The following CFH variants were observed in gnomAD, a reference collection of about 807,000 sequenced individuals.
CFH encodes the protein complement factor H.
In CFH, 53 loss-of-function variants were observed where a neutral mutation model predicts 147.3. The ratio of observed to expected loss-of-function variants is 0.36; its 90% CI spans 0.29 to 0.45. The LOEUF (loss-of-function observed/expected upper bound fraction) is 0.45. Among genes scored for constraint, CFH ranks in the 20% least tolerant of loss-of-function variants. The pLI is 1.00. For missense variants in CFH, 1,380 were observed against 1,498.0 expected (o/e 0.92, Z 1.30); for synonymous variants, 536 against 489.4 (o/e 1.10, Z -1.26).
intron 5 of CFH, 114 bp downstream of exon 5, chr1:196,677,781 A>G (rs1465376544): frequency 4.0e-6 from 4 of 993,466 alleles, no homozygotes; most frequent in African/African-American, 1.6e-5. Flanking sequence ...ATGTTTATTG[A>G]GCACTTACTA....
intron 17 of CFH, among the ~76,000 whole-genome samples, chr1:196,739,393 C>G (rs1252110703): frequency 6.6e-6 from 1 of 152,142 alleles, no homozygotes; most frequent in African/African-American, 2.4e-5. Context: ...TCCTCTTGAG[C>G]TCTTTGCCAC....
At chr1:196,736,577 C>T (rs1316058449) in intron 15 of CFH, among the ~76,000 whole-genome samples, 1 of 151,602 alleles carries the variant, frequency 6.6e-6, no homozygotes, top group Non-Finnish European at 1.5e-5. Flanking sequence ...GAAAAAACTA[C>T]AAGAAAGTCT....
At chr1:196,729,260 T>A (rs571324841) in intron 15 of CFH, among the ~76,000 whole-genome samples, 1 of 152,034 alleles carries the variant, frequency 6.6e-6, no homozygotes, top group South Asian at 2.1e-4. Context: ...AAGAAGCAAA[T>A]AATATATATA....
chr1:196,694,880 G>C (rs1239242609), intron 9 of CFH, among the ~76,000 whole-genome samples: 1 of 152,168 alleles, frequency 6.6e-6, no homozygotes, highest in Non-Finnish European at 1.5e-5. Flanking sequence ...ATTTGTTTAA[G>C]TTCCTTGTAG....
chr1:196,657,588 A>G (rs1171651058), intron 1 of CFH, among the ~76,000 whole-genome samples: 1 of 152,230 alleles, frequency 6.6e-6, no homozygotes, highest in Admixed American at 6.5e-5. Flanking sequence ...TGTGTATACC[A>G]AAGCCAAAGG....
chr1:196,703,022 A>G (rs1668499851), intron 9 of CFH, among the ~76,000 whole-genome samples: 1 of 152,252 alleles, frequency 6.6e-6, no homozygotes, highest in African/African-American at 2.4e-5. Context: ...AGATATTCAG[A>G]GAAAGTTACA....
intron 15 of CFH, among the ~76,000 whole-genome samples, chr1:196,732,844 C>T (rs1036232091): frequency 1.3e-5 from 2 of 151,978 alleles, no homozygotes; most frequent in African/African-American, 4.8e-5. Flanking sequence ...AGTGAATGTG[C>T]GTGTTTATCT....
Position 196,672,944 on chromosome 1 carries a change from C to T in CFH, c.59-34C>T, listed in dbSNP as rs1029289866. 7 of 1,565,526 alleles carry T rather than the reference C, an allele frequency of 4.5e-6. No individual in the cohort carries two copies. In the African/African-American group the frequency reaches 5.4e-5, roughly 12 times the overall value. On this transcript the variant is annotated intron_variant, in intron 1 of 21. Coordinates refer to ENST00000367429, the MANE Select transcript of CFH (RefSeq NM_000186.4). ...AATATACTGTACATTTAAATAGACA[C>T]TTTATGCACTTATTTTGTTTTTATT...
intron 9 of CFH, chr1:196,701,195 A>G: frequency 7.4e-7 from 1 of 1,352,752 alleles, no homozygotes. Flanking sequence ...TAGTGGAAGA[A>G]ATTACTAACT....
chr1:196,724,403 G>A (rs1348667504), intron 11 of CFH, among the ~76,000 whole-genome samples: 2 of 152,040 alleles, frequency 1.3e-5, no homozygotes, highest in Admixed American at 6.6e-5. Flanking sequence ...CTAGTAGTTT[G>A]GTGTAATGCC....
chr1:196,699,616 A>G (rs1238829864), intron 9 of CFH, among the ~76,000 whole-genome samples: 1 of 152,130 alleles, frequency 6.6e-6, no homozygotes, highest in East Asian at 1.9e-4. Context: ...GGCCATATAC[A>G]GTTCTAGAAG....
At chr1:196,728,628 A>T in intron 15 of CFH, 106 bp downstream of exon 15, 1 of 1,096,018 alleles carries the variant, frequency 9.1e-7, no homozygotes, top group South Asian at 1.3e-5. Flanking sequence ...TACAAATGCT[A>T]CTGAATAAGG....
chr1:196,731,947 G>GTGTTA (rs1669289613), intron 15 of CFH, among the ~76,000 whole-genome samples: 1 of 151,766 alleles, frequency 6.6e-6, no homozygotes, highest in African/African-American at 2.4e-5. Context: ...TAATTTGATT[G>GTGTTA]TGTTATGTCT....
At chr1:196,729,182 C>T (rs1669223626) in intron 15 of CFH, among the ~76,000 whole-genome samples, 1 of 151,996 alleles carries the variant, frequency 6.6e-6, no homozygotes, top group Non-Finnish European at 1.5e-5. Flanking sequence ...CTAGGATATA[C>T]AGAAAGCATT....
chr1:196,667,251 A>G (rs997685190), intron 1 of CFH, among the ~76,000 whole-genome samples: 94 of 152,314 alleles, frequency 6.2e-4, no homozygotes, highest in Admixed American at 5.4e-3. Flanking sequence ...GCTGAGTTTC[A>G]TGGTGTAAAT....
intron 10 of CFH, among the ~76,000 whole-genome samples, chr1:196,714,668 T>TAGAGAGAGAGAGAGAG (rs1205328020): frequency 9.4e-5 from 2 of 21,306 alleles, no homozygotes; most frequent in Non-Finnish European, 1.7e-4. Context: ...TATATATATA[T>TAGAGAGAGAGAGAGAG]AGAGAGAGAG....
chr1:196,660,416 G>A (rs1240924018), intron 1 of CFH, among the ~76,000 whole-genome samples: 1 of 152,170 alleles, frequency 6.6e-6, no homozygotes. Flanking sequence ...TGAAGTCATA[G>A]AAGAATTTTA....
chr1:196,655,806 C>CA (rs1178131008), intron 1 of CFH, among the ~76,000 whole-genome samples: 3 of 151,630 alleles, frequency 2.0e-5, no homozygotes, highest in East Asian at 3.9e-4. Context: ...ATGTAATTGA[C>CA]AAAAAAGTAT....
chr1:196,722,093 G>T (rs1669014930), intron 11 of CFH, among the ~76,000 whole-genome samples: 2 of 151,946 alleles, frequency 1.3e-5, no homozygotes, highest in Non-Finnish European at 2.9e-5. Context: ...TATGTTAGTT[G>T]TTACCTAGCT....
Sources: allele counts gnomAD v4.1 joint callset (sites outside exome capture counted in the v4.1 genomes callset), GRCh38; gene constraint gnomAD v4.1.1; transcripts MANE v1.5; gene names NCBI Gene and HGNC (gene_info 2026-07-23, HGNC 2026-07-21).